ITPKB: variants seen among roughly 807,000 people sequenced by gnomAD.
ITPKB encodes inositol-trisphosphate 3-kinase B, also known as IP3 3-kinase B.
Under a neutral mutation model 69.4 loss-of-function variants are expected in ITPKB, and 13 were observed. The ratio of observed to expected loss-of-function variants is 0.19; its 90% confidence interval spans 0.12 to 0.30. The LOEUF (loss-of-function observed/expected upper bound fraction) is 0.30. Ranked by LOEUF, ITPKB falls within the 10% of genes least tolerant of loss-of-function variation. The pLI is 1.00. For missense variants in ITPKB, 1,240 were observed against 1,250.5 expected, an observed-to-expected ratio of 0.99 and a Z score of 0.13; for synonymous variants, 584 against 513.7, an observed-to-expected ratio of 1.14 and a Z score of -1.85.
intron 2 of ITPKB, among the ~76,000 whole-genome samples, chr1:226,725,113 A>G (rs1398762670): frequency 6.6e-6 from 1 of 152,226 alleles, no homozygotes; most frequent in African/African-American, 2.4e-5. Flanking sequence ...ATTATTTGTT[A>G]ACTCATATTT....
chr1:226,721,218 C>T (rs2102643565), intron 2 of ITPKB, among the ~76,000 whole-genome samples: 1 of 150,774 alleles, frequency 6.6e-6, no homozygotes, highest in East Asian at 2.0e-4. Flanking sequence ...CGTGGTGGCA[C>T]ATGCCTGTAA....
intron 2 of ITPKB, among the ~76,000 whole-genome samples, chr1:226,692,543 C>G (rs928892099): frequency 6.6e-6 from 1 of 152,188 alleles, no homozygotes; most frequent in African/African-American, 2.4e-5. Context: ...CCACCAGGTC[C>G]AATTCTCACC....
intron 2 of ITPKB, among the ~76,000 whole-genome samples, chr1:226,727,060 G>T (rs997698450): frequency 1.3e-5 from 2 of 152,232 alleles, no homozygotes; most frequent in African/African-American, 4.8e-5. Flanking sequence ...AAGGATTACA[G>T]AAGTGATACT....
In ITPKB at chr1:226,682,398, G is replaced by C. The variant is rs749632559; in HGVS notation, c.1933-33627C>G. On this transcript the variant is annotated intron_variant, in intron 2 of 7. Coordinates refer to ENST00000429204, the MANE Select transcript of ITPKB (RefSeq NM_002221.4). ...GACTTCTGTGTACTGGCAGTGCAAG[G>C]CAAGGTAGCAACATAGAGCAAAGGG... Among the ~76,000 whole-genome samples the C allele has an allele frequency of 7.1e-4, 108 of 152,326 alleles. 1 individual carries two copies. Among genetic ancestry groups the C allele is most frequent in the Middle Eastern group, 3.4e-3 (1 of 294 alleles).
chr1:226,647,095 A>C, intron 4 of ITPKB, 72 bp downstream of exon 4: 1 of 1,420,362 alleles, frequency 7.0e-7, no homozygotes, highest in Non-Finnish European at 9.9e-7. Flanking sequence ...GGAAGCCCTG[A>C]GTGCCACGCT....
rs946423699 is a variant in ITPKB at position 226,738,167 on chromosome 1, A to T, written c.-205-504T>A. 6.6e-6 allele frequency among the ~76,000 whole-genome samples: 1 copy of T among 152,010 alleles called. No individual in the cohort carries two copies. Among genetic ancestry groups the T allele is most frequent in the Non-Finnish European group, 1.5e-5 (1 of 67,972 alleles). ...GGGCATCAGAGACCGACCGGCTCGG[A>T]GGGAACCTAAGCGGGACCTGCCTTG... On this transcript the variant is annotated intron_variant, in intron 1 of 7. Coordinates refer to ENST00000429204, the MANE Select transcript of ITPKB (RefSeq NM_002221.4). This position sits in a 1 kb window ranked among gnomAD's most constrained non-coding sequence, Gnocchi z 4.2.
intron 2 of ITPKB, among the ~76,000 whole-genome samples, chr1:226,696,225 GATA>G (rs1656480385): frequency 1.3e-5 from 2 of 152,112 alleles, no homozygotes; most frequent in African/African-American, 4.8e-5. Flanking sequence ...GTGAAATGGG[GATA>G]ATAATATCTA....
At chr1:226,694,054 C>G (rs922520902) in intron 2 of ITPKB, among the ~76,000 whole-genome samples, 1 of 152,172 alleles carries the variant, frequency 6.6e-6, no homozygotes, top group Non-Finnish European at 1.5e-5. Context: ...TTCAGACTGG[C>G]AAACATAGGG....
intron 7 of ITPKB, among the ~76,000 whole-genome samples, chr1:226,636,946 GTGTGAATGTGTGTGATT>G (rs1668853106): frequency 2.0e-5 from 3 of 152,100 alleles, no homozygotes; most frequent in Admixed American, 6.5e-5. Flanking sequence ...ATCTGCATGT[GTGTGAATGTGTGTGATT>G]TGTGAATGTG....
At chr1:226,688,911 C>G (rs12128186) in intron 2 of ITPKB, among the ~76,000 whole-genome samples, 2,796 of 152,262 alleles carry the variant, frequency 0.018, 27 homozygotes, top group South Asian at 0.048. Flanking sequence ...ATTTTCCCCC[C>G]CAACAAACAA....
intron 2 of ITPKB, among the ~76,000 whole-genome samples, chr1:226,703,792 T>C (rs1151802): frequency 0.99 from 151,133 of 152,372 alleles, 74,958 homozygotes; most frequent in East Asian, 1. Context: ...GCCGCCAGCT[T>C]CCGGCTTGGG....
intron 2 of ITPKB, among the ~76,000 whole-genome samples, chr1:226,653,514 C>T (rs1332713692): frequency 1.3e-5 from 2 of 152,230 alleles, no homozygotes; most frequent in African/African-American, 2.4e-5. Context: ...TACATCCCTC[C>T]CTGGGGCTGC....
rs1657773265 is a variant in ITPKB at position 226,736,548 on chromosome 1, G to A, written c.911C>T (p.Thr304Met). The stretch of plus-strand genomic sequence containing the variant: ...GGATGTAACTCTCGCTGCCACTTCC[G>A]TGGCCATCGTTAAGCTAGCTCCGAA... ...GLFGASLTMA[T>M]EVAARVTSTG... The change falls in exon 2 of 8, where the codon ACG (threonine) becomes ATG (methionine). Residue 304 changes from threonine to methionine, a missense_variant. This residue lies in a region of ITPKB where 992 missense variants were observed against 853.8 expected (regional missense o/e 1.16). Transcript: ENST00000429204. The A allele has an allele frequency of 1.2e-6, 2 of 1,613,904 alleles. No homozygotes were observed. The highest frequency in any genetic ancestry group is 1.3e-5 in the African/African-American group (1 of 74,938).
intron 2 of ITPKB, among the ~76,000 whole-genome samples, chr1:226,689,977 T>C (rs1021926115): frequency 1.3e-5 from 2 of 152,244 alleles, no homozygotes; most frequent in Non-Finnish European, 2.9e-5. Flanking sequence ...TAGTGTTCAA[T>C]GGTGTATATG....
chr1:226,724,374 G>A (rs996966291), intron 2 of ITPKB, among the ~76,000 whole-genome samples: 2 of 152,162 alleles, frequency 1.3e-5, no homozygotes, highest in African/African-American at 2.4e-5. Flanking sequence ...CAGCAACACT[G>A]CCTCAGACAC....
chr1:226,690,708 G>GT, intron 2 of ITPKB, among the ~76,000 whole-genome samples: 1 of 152,282 alleles, frequency 6.6e-6, no homozygotes, highest in Non-Finnish European at 1.5e-5. Context: ...ACACAGGACC[G>GT]TCAATTCAAC....
At chr1:226,706,903 G>GGCTA (rs1357580097) in intron 2 of ITPKB, among the ~76,000 whole-genome samples, 1 of 152,178 alleles carries the variant, frequency 6.6e-6, no homozygotes, top group Admixed American at 6.5e-5. Context: ...GCAGCCAGCT[G>GGCTA]GCTAGCATCC....
At chr1:226,706,547 T>C (rs1352993927) in intron 2 of ITPKB, among the ~76,000 whole-genome samples, 1 of 152,090 alleles carries the variant, frequency 6.6e-6, no homozygotes, top group African/African-American at 2.4e-5. Context: ...GGAAAAAGGG[T>C]GTGTGGCTTT....
At chr1:226,673,931 C>T (rs888401214) in intron 2 of ITPKB, among the ~76,000 whole-genome samples, 2 of 152,160 alleles carry the variant, frequency 1.3e-5, no homozygotes, top group East Asian at 3.9e-4. Context: ...CACAAACACA[C>T]AAATGGGGGC....
Sources: gnomAD v4.1 joint callset for allele counts (sites outside exome capture counted in the v4.1 genomes callset) on GRCh38, gnomAD v4.1.1 for gene constraint, gnomAD v4.1.1 regional missense constraint, Gnocchi (gnomAD v3.1) non-coding constraint, MANE v1.5 for transcripts, NCBI Gene and HGNC (gene_info 2026-07-23, HGNC 2026-07-21) for gene names.